The following POLRMT variants were observed in gnomAD, a reference collection of about 807,000 sequenced individuals.
POLRMT encodes DNA-directed RNA polymerase, mitochondrial.
In POLRMT, 114 loss-of-function variants were observed where a neutral mutation model predicts 132.2. The observed-to-expected ratio is 0.86, with a 90% CI of 0.74 to 1.01. The LOEUF (loss-of-function observed/expected upper bound fraction) is 1.01, where lower values mean the gene tolerates loss of function less well. Ranked by LOEUF, POLRMT falls within the 50% of genes least tolerant of loss-of-function variation. POLRMT has a pLI of 0.00. For missense variants in POLRMT, 2,003 were observed against 1,729.1 expected, an observed-to-expected ratio of 1.16 and a Z score of -2.81; for synonymous variants, 1,020 against 773.4, an observed-to-expected ratio of 1.32 and a Z score of -5.29.
intron 10 of POLRMT, 25 bp from the exon 11 acceptor site, chr19:620,512 A>G: frequency 1.9e-6 from 3 of 1,543,508 alleles, no homozygotes; most frequent in Non-Finnish European, 2.6e-6. Flanking sequence ...GATGGGGGGC[A>G]GTGAGGCCCG....
Position 624,890 on chromosome 19 carries a change from C to T in POLRMT, c.969G>A (p.Met323Ile), listed in dbSNP as rs143022703. ...AGTIERCLEQ[M>I]SQEGLKLQAL... ...CCTGCAGCTTCAGCCCCTCCTGGCT[C>T]ATCTGTTCCAGACACCTGTGGTGCA... The change falls in exon 5 of 21, where the codon ATG (methionine) becomes ATA (isoleucine). Residue 323 changes from methionine to isoleucine, a missense_variant. By Grantham distance (10) the Met-to-Ile change is conservative. Transcript: ENST00000588649. 2,648 of 1,611,818 alleles carry T rather than the reference C, an allele frequency of 1.6e-3. 29 individuals carry two copies. In the African/African-American group the frequency reaches 0.028, roughly 17 times the overall value.
In POLRMT at chr19:618,907, G is replaced by C. The variant is rs1013193154; in HGVS notation, c.3267+90C>G. ...TGGCACACTGGGGCGGTGGTACACT[G>C]GGGTGGTGGTACGCTGGGGCACTGG... On this transcript the variant is annotated intron_variant, in intron 15 of 20. Coordinates refer to ENST00000588649, the MANE Select transcript of POLRMT (RefSeq NM_005035.4). The C allele has an allele frequency of 2.2e-5, 30 of 1,352,544 alleles. 1 individual carries two copies. In the South Asian group the frequency reaches 4.0e-4, roughly 18 times the overall value. 83.8% of individuals were successfully genotyped at this position (1,352,544 alleles called of 1,614,324 possible).
At position 621,918 on chromosome 19, in the gene POLRMT, G is replaced by C. The variant is rs931751349; in HGVS notation, c.1852-72C>G. 10 of 1,528,326 alleles carry C rather than the reference G, an allele frequency of 6.5e-6. No individual in the cohort carries two copies. The South Asian group carries it at 7.0e-5, about 11-fold the overall frequency. The allele number at this position is 1,528,326 out of a possible 1,614,324, so 94.7% of individuals were successfully genotyped here. A position where few individuals can be genotyped will look rare whatever the true frequency, so the allele number is the denominator to read the frequency against. On this transcript the variant is annotated intron_variant, in intron 9 of 20. Coordinates refer to ENST00000588649, the MANE Select transcript of POLRMT (RefSeq NM_005035.4). Reference sequence around the variant, plus strand: ...TCCTGTTCCCACCCCTTAAACTTGGGTGAGAGGGGCCGGCTCCCCGGCCAA... The same window carrying C: ...TCCTGTTCCCACCCCTTAAACTTGGCTGAGAGGGGCCGGCTCCCCGGCCAA...
rs767588180 is a variant in POLRMT, at chr19:622,721, G to C, written c.1487C>G (p.Ser496Cys). 3.7e-6 allele frequency: 6 copies of C among 1,600,742 alleles called. No homozygotes were observed. The highest frequency in any genetic ancestry group is 1.7e-5 in the Admixed American group (1 of 58,792). Residue 496 changes from serine to cysteine, a missense_variant, in exon 8 of 21, where the codon TCC becomes TGC. Physicochemically the swap from Ser to Cys is moderately radical, Grantham distance 112. Transcript: ENST00000588649. ...VLQALPAQGE[S>C]FTTLARELSA... ...CAGCTCCCGGGCCAGGGTGGTGAAGGACTCACCTTGGGCGGGCAGCGCCTG... is the reference window on the plus strand; with the variant it reads ...CAGCTCCCGGGCCAGGGTGGTGAAGCACTCACCTTGGGCGGGCAGCGCCTG...
chr19:620,341 G>C, intron 11 of POLRMT, 24 bp downstream of exon 11: 1 of 1,551,586 alleles, frequency 6.4e-7, no homozygotes, highest in Non-Finnish European at 8.7e-7. Flanking sequence ...GCACGGCCTC[G>C]GGGGCCAGAC....
At position 617,578 on chromosome 19, in the gene POLRMT, G is replaced by C. The variant is rs1056748; in HGVS notation, c.3573C>G (p.Phe1191Leu). 2 of 1,611,942 alleles carry C rather than the reference G, an allele frequency of 1.2e-6. No individual in the cohort carries two copies. Residue 1191 changes from phenylalanine (F) to leucine (L), a missense_variant, in exon 19 of 21, where the codon TTC becomes TTG. Physicochemically the swap from Phe to Leu is conservative, Grantham distance 22. Transcript: ENST00000588649. ...GTCAGGGAGCGCCTTACTCAGAGCAGAACCGCTTGACCAGGAATCTGGACA... is the reference window on the plus strand; with the variant it reads ...GTCAGGGAGCGCCTTACTCAGAGCACAACCGCTTGACCAGGAATCTGGACA... ...QDLSRFLVKRFCSEPQKILEA... is the reference protein window; with the variant it reads ...QDLSRFLVKRLCSEPQKILEA...
In POLRMT at chr19:622,654, C is replaced by A; in HGVS notation, c.1554G>T (p.Arg518=). ...GCAGCGCCTGCACCTGGCCACTGAC[C>A]CGCTGCCTCTGCACCACGTGCCGGC... The part of the protein sequence containing the change: ...TFSRHVVQRQ[R]VSGQVQALQN... Residue 518 remains arginine, a synonymous_variant, in exon 8 of 21, where the codon CGG becomes CGT. Coordinates refer to ENST00000588649, the MANE Select transcript of POLRMT (RefSeq NM_005035.4). 6.2e-7 allele frequency: 1 copy of A among 1,606,748 alleles called. No individual in the cohort carries two copies. The highest frequency in any genetic ancestry group is 1.7e-5 in the Admixed American group (1 of 59,574).
chr19:618,669 C>T (rs367961697), intron 16 of POLRMT, 36 bp downstream of exon 16: 22 of 1,604,044 alleles, frequency 1.4e-5, no homozygotes, highest in Non-Finnish European at 1.9e-5. Flanking sequence ...GCTCTCCAGA[C>T]CCCCGGCCAG....
chr19:621,831 G>A lies in POLRMT; in HGVS notation c.1867C>T (p.Pro623Ser), dbSNP rs775805439. ...AGCAGCTGCACGTAGGCCGGGTGCG[G>A]CTTCAGGATGCCGATCTGGGGTGCG... ...RNVQQIGILK[P>S]HPAYVQLLEK... is the part of the protein sequence containing the mutation. The change falls in exon 10 of 21, where the codon CCG (proline) becomes TCG (serine). Residue 623 changes from proline to serine, a missense_variant. Transcript: ENST00000588649. 7 of 1,602,204 alleles carry A rather than the reference G, an allele frequency of 4.4e-6. No individual in the cohort carries two copies. Among genetic ancestry groups the A allele is most frequent in the Non-Finnish European group, 5.9e-6 (7 of 1,179,828 alleles).
intron 10 of POLRMT, 124 bp from the exon 11 acceptor site, chr19:620,611 C>T (rs1984451539): frequency 1.8e-5 from 22 of 1,211,300 alleles, no homozygotes; most frequent in Admixed American, 9.3e-5. Context: ...GAACACGGGA[C>T]GCATGTGGGC....
chr19:621,032 G>A (rs1390377585), intron 10 of POLRMT, 26 bp downstream of exon 10: 10 of 1,559,364 alleles, frequency 6.4e-6, no homozygotes, highest in Admixed American at 3.8e-5. Context: ...CCGGGAGGGC[G>A]GGGAATGCGG....
intron 3 of POLRMT, among the ~76,000 whole-genome samples, chr19:627,884 C>T (rs950817939): frequency 1.1e-4 from 16 of 144,760 alleles, no homozygotes; most frequent in African/African-American, 3.6e-4. Context: ...GAGATCATGG[C>T]ACTGCACCCT....
chr19:621,154 G>T lies in POLRMT; in HGVS notation c.2544C>A (p.Leu848=). ...GCGGCTCCCGCTTCTTCAACCCCGT[G>T]AGATTGACCAGGTGGATCTTGAGCC... ...LDWLKIHLVN[L]TGLKKREPLR... is the part of the protein sequence containing the mutation. The change falls in exon 10 of 21, where the codon CTC becomes CTA. Residue 848 remains leucine (L), a synonymous_variant. Transcript: ENST00000588649. 2 of 1,611,044 alleles carry T rather than the reference G, an allele frequency of 1.2e-6. No homozygotes were observed. Among genetic ancestry groups the T allele is most frequent in the Non-Finnish European group, 8.5e-7 (1 of 1,178,772 alleles).
chr19:633,532 C>CCGCCGCCGCCGCA lies in POLRMT; in HGVS notation c.-21_-20insTGCGGCGGCGGCG. 1 of 658,062 alleles carries CCGCCGCCGCCGCA rather than the reference C, an allele frequency of 1.5e-6. No homozygotes were observed. The highest frequency in any genetic ancestry group is 2.0e-6 in the Non-Finnish European group (1 of 501,174). The allele number at this position is 658,062 out of a possible 1,614,324, so 40.8% of individuals were successfully genotyped here. Reference sequence around the variant, plus strand: ...CGACATTACGCACGCCGCTCCAGGCCACCCCACCGGCCCGCGCCTGCGCAT... The same window carrying CCGCCGCCGCCGCA: ...CGACATTACGCACGCCGCTCCAGGCCCGCCGCCGCCGCAACCCCACCGGCCCGCGCCTGCGCAT... On this transcript the variant is annotated 5_prime_UTR_variant, in exon 1 of 21. Coordinates refer to ENST00000588649, the MANE Select transcript of POLRMT (RefSeq NM_005035.4).
chr19:626,913 A>ATATG (rs1288238160), intron 3 of POLRMT, among the ~76,000 whole-genome samples: 2 of 150,198 alleles, frequency 1.3e-5, no homozygotes, highest in African/African-American at 4.9e-5. Context: ...ATATATATAT[A>ATATG]TAAAATAACA....
intron 3 of POLRMT, among the ~76,000 whole-genome samples, chr19:627,924 C>CAAAAAAAAAAAAAAAAAAAAAAAAAAAAA (rs35674455): frequency 9.8e-6 from 1 of 101,890 alleles, no homozygotes; most frequent in Non-Finnish European, 1.9e-5. Flanking sequence ...GAGTCTATCT[C>CAAAAAAAAAAAAAAAAAAAAAAAAAAAAA]AAAAAAAAAA....
intron 3 of POLRMT, among the ~76,000 whole-genome samples, chr19:625,684 G>A (rs1484603236): frequency 2.0e-5 from 3 of 152,182 alleles, no homozygotes; most frequent in African/African-American, 4.8e-5. Context: ...GAAAGGTGAC[G>A]TATTTGGTCT....
rs572923035 is a variant in POLRMT, at chr19:629,812, C to T, written c.550G>A (p.Glu184Lys). 1.1e-5 allele frequency: 18 copies of T among 1,587,574 alleles called. No individual in the cohort carries two copies. Among genetic ancestry groups the T allele is most frequent in the East Asian group, 6.7e-5 (3 of 44,498 alleles). Residue 184 changes from glutamate to lysine, a missense_variant, in exon 3 of 21, where the codon GAG (glutamate) becomes AAG (lysine). Coordinates refer to ENST00000588649, the MANE Select transcript of POLRMT (RefSeq NM_005035.4). The stretch of plus-strand genomic sequence containing the variant: ...GCCAGCTGCTCCTCCCAGGGGCTCT[C>T]GGGGGCCTGGCGCGTGCAGTCCTCC... Reference protein sequence around the residue: ...CLEDCTRQAPESPWEEQLARL... With the variant: ...CLEDCTRQAPKSPWEEQLARL...
Position 621,458 on chromosome 19 carries a change from G to T in POLRMT, c.2240C>A (p.Pro747Gln). 2 of 1,384,678 alleles carry T rather than the reference G, an allele frequency of 1.4e-6. No individual in the cohort carries two copies. The highest frequency in any genetic ancestry group is 1.6e-5 in the South Asian group (1 of 63,524). The allele number at this position is 1,384,678 out of a possible 1,614,324, so 85.8% of individuals were successfully genotyped here. A position where few individuals can be genotyped will look rare whatever the true frequency, so the allele number is the denominator to read the frequency against. ...CTTGCGGGCGGGCGCGGCGCTGTGC[G>T]GCAGGTGGGCCTCGGGCGGCTGGGG... The part of the protein sequence containing the change: ...EAPQPPEAHL[P>Q]HSAAPARKAE... Residue 747 changes from proline to glutamine, a missense_variant, in exon 10 of 21, where the codon CCG becomes CAG. Pro to Gln is a moderately conservative substitution (Grantham distance 76). Coordinates refer to ENST00000588649, the MANE Select transcript of POLRMT (RefSeq NM_005035.4).
Sources: allele counts gnomAD v4.1 joint callset (sites outside exome capture counted in the v4.1 genomes callset), GRCh38; gene constraint gnomAD v4.1.1; transcripts MANE v1.5; gene names NCBI Gene and HGNC (gene_info 2026-07-23, HGNC 2026-07-21).